MTCL1: variants seen among roughly 807,000 people sequenced by gnomAD.
The protein encoded by MTCL1 is microtubule cross-linking factor 1.
A neutral mutation model predicts 141.4 loss-of-function variants in MTCL1; 79 were observed. The ratio of observed to expected loss-of-function variants is 0.56; its 90% CI spans 0.47 to 0.67. MTCL1 has a LOEUF of 0.67. MTCL1 is among the 30% of genes least tolerant of loss of function. MTCL1 has a pLI of 0.00. For synonymous variants in MTCL1, 914 were observed against 875.8 expected (o/e 1.04, Z -0.77); for missense variants, 2,177 against 2,113.9 (o/e 1.03, Z -0.59).
chr18:8,760,509 C>T (rs1288485508), intron 4 of MTCL1, among the ~76,000 whole-genome samples: 1 of 152,134 alleles, frequency 6.6e-6, no homozygotes, highest in Non-Finnish European at 1.5e-5. Context: ...CACTCACCTG[C>T]TAGGAAGCAA....
chr18:8,807,195 T>A, intron 11 of MTCL1, 135 bp downstream of exon 10: 1 of 944,210 alleles, frequency 1.1e-6, no homozygotes, highest in Non-Finnish European at 1.5e-6. Context: ...AGTGGCTGCT[T>A]GTGTCTCTTC....
At chr18:8,753,646 C>G (rs1415678313) in intron 4 of MTCL1, among the ~76,000 whole-genome samples, 1 of 152,196 alleles carries the variant, frequency 6.6e-6, no homozygotes, top group Admixed American at 6.5e-5. Context: ...GAACACTGAG[C>G]CTGGAGAACC....
At position 8,706,945 on chromosome 18, in the gene MTCL1, T is replaced by C. The variant is rs2096061366; in HGVS notation, c.1053+232T>C. 5 of 625,402 alleles carry C rather than the reference T, an allele frequency of 8.0e-6. No individual in the cohort carries two copies. In the Admixed American group the frequency reaches 1.8e-4, roughly 22 times the overall value. 38.7% of individuals were successfully genotyped at this position (625,402 alleles called of 1,614,324 possible). A position where few individuals can be genotyped will look rare whatever the true frequency, so the allele number is the denominator to read the frequency against. On this transcript the variant is annotated intron_variant, in intron 1 of 13. Transcript: ENST00000306329. ...CAACCCACTTCTCTTTTCTCGCGTC[T>C]AGAACTCTTGCGTCTCTTCGCTGAT...
intron 4 of MTCL1, among the ~76,000 whole-genome samples, chr18:8,766,803 T>A (rs2096461974): frequency 6.6e-6 from 1 of 152,214 alleles, no homozygotes; most frequent in Non-Finnish European, 1.5e-5. Flanking sequence ...CTTCCCTCCC[T>A]CTGTTCTGCC....
rs755063532 is a variant in MTCL1, at chr18:8,785,951, C to G, written c.1747C>G (p.Gln583Glu). ...CACCTAACAGTCCAGACTGAAAGAG[C>G]AGCTGGAGTGGCAGCTCGGGCCGGC... The change falls in exon 7 of 17, where the codon CAG (glutamine) becomes GAG (glutamate). Residue 583 changes from glutamine (Q) to glutamate (E), a missense_variant. Physicochemically the swap from Gln to Glu is conservative, Grantham distance 29. Coordinates refer to ENST00000359865, the Ensembl canonical transcript of MTCL1. 5 of 1,603,634 alleles carry G rather than the reference C, an allele frequency of 3.1e-6. No homozygotes were observed. The Admixed American group carries it at 6.8e-5, about 22-fold the overall frequency.
chr18:8,797,520 A>C (rs965341210), intron 9 of MTCL1, among the ~76,000 whole-genome samples: 3 of 152,314 alleles, frequency 2.0e-5, no homozygotes, highest in Admixed American at 6.5e-5. Flanking sequence ...TCTGTACATC[A>C]CTGACCCTGG....
intron 12 of MTCL1, among the ~76,000 whole-genome samples, chr18:8,818,404 T>C (rs1315524716): frequency 6.6e-6 from 1 of 152,204 alleles, no homozygotes; most frequent in African/African-American, 2.4e-5. Flanking sequence ...GCTAAGTTTG[T>C]ATCCTCTCAA....
At chr18:8,756,311 GTGTA>G (rs1316193507) in intron 4 of MTCL1, among the ~76,000 whole-genome samples, 7 of 151,548 alleles carry the variant, frequency 4.6e-5, no homozygotes, top group African/African-American at 1.2e-4. Context: ...AAGTGTGTGT[GTGTA>G]TGTATGTGTG....
At chr18:8,749,899 A>G (rs1199139768) in intron 4 of MTCL1, among the ~76,000 whole-genome samples, 1 of 152,224 alleles carries the variant, frequency 6.6e-6, no homozygotes, top group Non-Finnish European at 1.5e-5. Flanking sequence ...GTTTCAGTAA[A>G]ATAAAGCTTT....
intron 4 of MTCL1, among the ~76,000 whole-genome samples, chr18:8,759,799 C>T (rs146742228): frequency 1.1e-4 from 17 of 152,178 alleles, no homozygotes; most frequent in East Asian, 3.9e-4. Context: ...TCTGGGTCTG[C>T]GGGGGGTCCC....
At chr18:8,722,438 C>G (rs1567938806) in intron 4 of MTCL1, among the ~76,000 whole-genome samples, 1 of 152,120 alleles carries the variant, frequency 6.6e-6, no homozygotes, top group African/African-American at 2.4e-5. Context: ...TTGACTCCCC[C>G]AAAACTTAAC....
intron 9 of MTCL1, among the ~76,000 whole-genome samples, chr18:8,797,304 A>G (rs2075960121): frequency 6.6e-6 from 1 of 152,222 alleles, no homozygotes; most frequent in African/African-American, 2.4e-5. Context: ...TAAGCTTCAG[A>G]TGAGTCACTT....
intron 11 of MTCL1, among the ~76,000 whole-genome samples, chr18:8,812,260 A>T (rs2076511714): frequency 6.6e-6 from 1 of 152,150 alleles, no homozygotes; most frequent in East Asian, 1.9e-4. Context: ...CCTGAAGTAC[A>T]GGTCTGTTGG....
At chr18:8,746,280 C>A (rs1211453557) in intron 4 of MTCL1, among the ~76,000 whole-genome samples, 1 of 152,154 alleles carries the variant, frequency 6.6e-6, no homozygotes, top group Non-Finnish European at 1.5e-5. Flanking sequence ...TCAGATGATA[C>A]CTCTACTTTG....
intron 4 of MTCL1, among the ~76,000 whole-genome samples, chr18:8,734,399 T>C (rs1008033504): frequency 6.6e-6 from 1 of 152,152 alleles, no homozygotes; most frequent in Non-Finnish European, 1.5e-5. Context: ...AAAACTCTCT[T>C]GTCTCCCTTC....
chr18:8,720,375 T>G, exon 4 of MTCL1: 1 of 1,614,192 alleles, frequency 6.2e-7, no homozygotes, highest in Non-Finnish European at 8.5e-7. Context: ...CACCACGAAC[T>G]TAAGACGGTG....
exon 15 of MTCL1, chr18:8,825,027 C>T: frequency 6.2e-7 from 1 of 1,613,116 alleles, no homozygotes; most frequent in African/African-American, 1.3e-5. Flanking sequence ...CAGCCCAGAG[C>T]ACTGCCAGAA....
intron 7 of MTCL1, chr18:8,789,675 C>T: frequency 1.0e-6 from 1 of 985,272 alleles, no homozygotes; most frequent in African/African-American, 1.7e-5. Flanking sequence ...AGATAAGCTG[C>T]TTTAATAGGG....
chr18:8,784,589 C>T (rs745766894), exon 6 of MTCL1: 3 of 1,611,330 alleles, frequency 1.9e-6, no homozygotes, highest in Non-Finnish European at 2.5e-6. Context: ...CTTACCGGGG[C>T]CTGGCCTCCA....
Sources: gnomAD v4.1 joint callset for allele counts (sites outside exome capture counted in the v4.1 genomes callset) on GRCh38, gnomAD v4.1.1 for gene constraint, MANE v1.5 for transcripts, NCBI Gene and HGNC (gene_info 2026-07-23, HGNC 2026-07-21) for gene names.